The following TRIM23 variants were observed in gnomAD, a reference collection of about 807,000 sequenced individuals.
The protein encoded by TRIM23 is E3 ubiquitin-protein ligase TRIM23.
TRIM23 carries 27 observed loss-of-function variants against 71.0 expected under a neutral mutation model. The ratio of observed to expected loss-of-function variants is 0.38; its 90% CI spans 0.28 to 0.52. The LOEUF (loss-of-function observed/expected upper bound fraction) is 0.52. TRIM23 is among the 20% of genes least tolerant of loss of function. The probability of loss-of-function intolerance (pLI) is 0.84; values close to 1 mark genes in which losing one functional copy is unlikely to be tolerated. For missense variants in TRIM23, 482 were observed against 692.3 expected (o/e 0.70, Z 3.41); for synonymous variants, 234 against 238.0 (o/e 0.98, Z 0.16).
At chr5:65,615,998 T>C (rs916312509) in intron 2 of TRIM23, among the ~76,000 whole-genome samples, 1 of 152,210 alleles carries the variant, frequency 6.6e-6, no homozygotes, top group Non-Finnish European at 1.5e-5. Flanking sequence ...GAGAAGAATT[T>C]ACTTTGAAAA....
intron 7 of TRIM23, among the ~76,000 whole-genome samples, chr5:65,599,645 T>C (rs934252919): frequency 1.3e-5 from 2 of 152,124 alleles, no homozygotes; most frequent in African/African-American, 4.8e-5. Context: ...ACATAAAATA[T>C]TAAGATATGA....
Position 65,611,749 on chromosome 5 carries a change from G to A in TRIM23, c.499C>T (p.Pro167Ser). ...TKTLAKHRRVPLADKPHEKTM... is the reference protein window; with the variant it reads ...TKTLAKHRRVSLADKPHEKTM... The stretch of plus-strand genomic sequence containing the variant: ...TTCTCATGAGGTTTATCAGCTAGAG[G>A]AACTCGCCTGTGCTTTGCTAATGTC... The change falls in exon 4 of 11, where the codon CCT (proline) becomes TCT (serine). Residue 167 changes from proline to serine, a missense_variant. By Grantham distance (74) the Pro-to-Ser change is moderately conservative. Coordinates refer to ENST00000231524, the MANE Select transcript of TRIM23 (RefSeq NM_001656.4). The A allele has an allele frequency of 7.4e-6, 12 of 1,614,186 alleles. No individual in the cohort carries two copies. The highest frequency in any genetic ancestry group is 1.0e-5 in the Non-Finnish European group (12 of 1,180,026).
intron 1 of TRIM23, among the ~76,000 whole-genome samples, chr5:65,621,245 G>A (rs1221755965): frequency 2.8e-4 from 42 of 152,028 alleles, no homozygotes; most frequent in Non-Finnish European, 8.8e-5. Context: ...CCAGCTACTC[G>A]GGAGGCTGAG....
chr5:65,591,645 T>A lies in TRIM23; in HGVS notation c.*124A>T, dbSNP rs1021757371. 1.3e-5 allele frequency: 9 copies of A among 717,262 alleles called. No individual in the cohort carries two copies. The highest frequency in any genetic ancestry group is 5.2e-5 in the South Asian group (1 of 19,292). 44.4% of individuals were successfully genotyped at this position (717,262 alleles called of 1,614,324 possible). ...ACTGAATTCCCAATCCAAGATTCCT[T>A]TATATATATATATATATATATGCAT... On this transcript the variant is annotated 3_prime_UTR_variant, in exon 11 of 11. Coordinates refer to ENST00000231524, the MANE Select transcript of TRIM23 (RefSeq NM_001656.4).
intron 7 of TRIM23, among the ~76,000 whole-genome samples, chr5:65,600,182 A>C (rs1274290160): frequency 6.6e-6 from 1 of 152,178 alleles, no homozygotes; most frequent in Non-Finnish European, 1.5e-5. Context: ...AACTGCCCCC[A>C]TGATCCAGTC....
intron 9 of TRIM23, among the ~76,000 whole-genome samples, chr5:65,595,772 C>T (rs1369267041): frequency 1.3e-5 from 2 of 151,474 alleles, no homozygotes; most frequent in African/African-American, 4.9e-5. Context: ...ATAATAATAT[C>T]AAAAATCCCA....
intron 1 of TRIM23, among the ~76,000 whole-genome samples, chr5:65,619,299 T>C (rs1754856503): frequency 6.6e-6 from 1 of 152,216 alleles, no homozygotes; most frequent in Non-Finnish European, 1.5e-5. Context: ...CCCGATGTAC[T>C]CTGTATAAGC....
At chr5:65,593,435 A>T (rs1754099907) in intron 10 of TRIM23, among the ~76,000 whole-genome samples, 1 of 152,178 alleles carries the variant, frequency 6.6e-6, no homozygotes, top group Admixed American at 6.5e-5. Context: ...CTCAGTCTCA[A>T]AATAATAATA....
Position 65,618,126 on chromosome 5 carries a change from G to T in TRIM23, c.211C>A (p.Arg71Ser). ...TRLPLHGRAIRCPFDRQVTDL... is the reference protein window; with the variant it reads ...TRLPLHGRAISCPFDRQVTDL... The stretch of plus-strand genomic sequence containing the variant: ...GTTACTTGTCGATCAAATGGGCAAC[G>T]GATTGCTCTTCCATGAAGAGGTAGG... The change falls in exon 2 of 11, where the codon CGT becomes AGT. Residue 71 changes from arginine to serine, a missense_variant. Arg to Ser is a moderately radical substitution (Grantham distance 110). This residue lies in a region of TRIM23 where 175 missense variants were observed against 196.5 expected (regional missense o/e 0.89). Coordinates refer to ENST00000231524, the MANE Select transcript of TRIM23 (RefSeq NM_001656.4). 1 of 1,613,380 alleles carries T rather than the reference G, an allele frequency of 6.2e-7. No individual in the cohort carries two copies. Among genetic ancestry groups the T allele is most frequent in the Non-Finnish European group, 8.5e-7 (1 of 1,179,754 alleles).
intron 6 of TRIM23, among the ~76,000 whole-genome samples, chr5:65,606,330 AG>A (rs1457638579): frequency 1.3e-5 from 2 of 152,116 alleles, no homozygotes; most frequent in South Asian, 4.1e-4. Context: ...CCTGTAGTCC[AG>A]GCTACTCAGG....
At chr5:65,620,730 C>T (rs766996716) in intron 1 of TRIM23, among the ~76,000 whole-genome samples, 1 of 152,076 alleles carries the variant, frequency 6.6e-6, no homozygotes, top group Non-Finnish European at 1.5e-5. Context: ...TTCATATATA[C>T]ACATACTTCA....
intron 1 of TRIM23, among the ~76,000 whole-genome samples, chr5:65,622,534 T>G (rs996338806): frequency 6.6e-6 from 1 of 152,220 alleles, no homozygotes; most frequent in African/African-American, 2.4e-5. Context: ...GCCATGTCAT[T>G]ATCAACTTGT....
rs1423483274 is a variant in TRIM23, at chr5:65,614,237, AC to A, written c.245-19del. 1 of 1,607,430 alleles carries A rather than the reference AC, an allele frequency of 6.2e-7. No homozygotes were observed. The highest frequency in any genetic ancestry group is 2.2e-5 in the East Asian group (1 of 44,798). ...TGAATCACCTAGAATAAATATAAAA[AC>A]AAAAACTAAATCTAACAAAATGGAC... On this transcript the variant is annotated intron_variant, in intron 2 of 10. Coordinates refer to ENST00000231524, the MANE Select transcript of TRIM23 (RefSeq NM_001656.4).
intron 6 of TRIM23, among the ~76,000 whole-genome samples, chr5:65,606,513 G>A (rs1283732312): frequency 1.3e-5 from 2 of 151,602 alleles, no homozygotes; most frequent in Non-Finnish European, 1.5e-5. Context: ...TGCCTCACAG[G>A]GCCTTCCTTA....
intron 7 of TRIM23, among the ~76,000 whole-genome samples, chr5:65,600,395 G>T (rs181243489): frequency 6.6e-6 from 1 of 152,144 alleles, no homozygotes; most frequent in Admixed American, 6.5e-5. Flanking sequence ...TTCAACAAGG[G>T]TGCAGGACCA....
At chr5:65,606,336 C>T (rs1399165948) in intron 6 of TRIM23, among the ~76,000 whole-genome samples, 22 of 152,046 alleles carry the variant, frequency 1.4e-4, no homozygotes, top group Non-Finnish European at 1.5e-5. Flanking sequence ...GTCCAGGCTA[C>T]TCAGGAGGCT....
chr5:65,600,801 C>T (rs186890647), intron 7 of TRIM23, among the ~76,000 whole-genome samples: 31 of 152,094 alleles, frequency 2.0e-4, no homozygotes, highest in African/African-American at 7.0e-4. Context: ...AATTCAACAA[C>T]AAAAATAGTC....
chr5:65,621,135 G>A (rs1754929220), intron 1 of TRIM23, among the ~76,000 whole-genome samples: 1 of 152,148 alleles, frequency 6.6e-6, no homozygotes, highest in Admixed American at 6.5e-5. Flanking sequence ...GGCAGATCAC[G>A]AGGTCAGGAG....
intron 9 of TRIM23, among the ~76,000 whole-genome samples, chr5:65,595,354 G>A (rs951298058): frequency 5.9e-5 from 9 of 152,010 alleles, no homozygotes; most frequent in African/African-American, 2.2e-4. Context: ...TCAGGAGATG[G>A]AGACCATCCT....
Sources: gnomAD v4.1 joint callset for allele counts (sites outside exome capture counted in the v4.1 genomes callset) on GRCh38, gnomAD v4.1.1 for gene constraint, gnomAD v4.1.1 regional missense constraint, MANE v1.5 for transcripts, NCBI Gene and HGNC (gene_info 2026-07-23, HGNC 2026-07-21) for gene names.